Variants in BCR observed in about 807,000 individuals in gnomAD.
The protein encoded by BCR is BCR activator of RhoGEF and GTPase, also known as breakpoint cluster region protein.
A neutral mutation model predicts 138.6 loss-of-function variants in BCR; 58 were observed. The ratio of observed to expected loss-of-function variants is 0.42; its 90% CI spans 0.34 to 0.52. BCR has a LOEUF of 0.52. Ranked by LOEUF, BCR falls within the 20% of genes least tolerant of loss-of-function variation. The probability of loss-of-function intolerance (pLI) is 0.06; values close to 1 mark genes in which losing one functional copy is unlikely to be tolerated. For synonymous variants in BCR, 786 were observed against 730.1 expected, an observed-to-expected ratio of 1.08 and a Z score of -1.23; for missense variants, 1,599 against 1,727.2, an observed-to-expected ratio of 0.93 and a Z score of 1.32.
intron 11 of BCR, 148 bp downstream of exon 11, chr22:23,287,426 TC>T: frequency 7.5e-7 from 1 of 1,329,608 alleles, no homozygotes; most frequent in Non-Finnish European, 9.9e-7. Context: ...CATTCCTTTG[TC>T]TGGGGCTTTG....
At chr22:23,264,317 G>A (rs936172793) in intron 4 of BCR, 35 of 984,728 alleles carry the variant, frequency 3.6e-5, no homozygotes, top group Non-Finnish European at 4.8e-5. Context: ...TCTATGCTGC[G>A]CTGTCTTACA....
At chr22:23,276,648 T>C (rs2073580181) in intron 8 of BCR, among the ~76,000 whole-genome samples, 1 of 152,252 alleles carries the variant, frequency 6.6e-6, no homozygotes, top group Non-Finnish European at 1.5e-5. Context: ...TGATGGTGGC[T>C]AAGGCAGGAT....
intron 16 of BCR, among the ~76,000 whole-genome samples, chr22:23,307,295 G>T (rs2073961382): frequency 6.6e-6 from 1 of 151,894 alleles, no homozygotes. Context: ...ATAGAGACAG[G>T]GTCTCACTAT....
intron 1 of BCR, among the ~76,000 whole-genome samples, chr22:23,249,790 G>C (rs945865390): frequency 2.6e-5 from 4 of 152,232 alleles, no homozygotes; most frequent in Admixed American, 6.5e-5. Context: ...GTATGGATTG[G>C]AGTGATCTGG....
chr22:23,314,115 C>T (rs1298054525), intron 21 of BCR, 42 bp downstream of exon 21: 3 of 1,527,552 alleles, frequency 2.0e-6, no homozygotes, highest in Middle Eastern at 1.7e-4. Context: ...TCCAGGTCCC[C>T]AGGCCGCAGA....
intron 8 of BCR, among the ~76,000 whole-genome samples, chr22:23,280,088 C>T (rs566877653): frequency 2.4e-4 from 36 of 152,346 alleles, no homozygotes; most frequent in Admixed American, 1.3e-3. Context: ...CTACTCACCT[C>T]GCAAAGGCCC....
intron 1 of BCR, among the ~76,000 whole-genome samples, chr22:23,188,922 A>G (rs1401943359): frequency 6.6e-6 from 1 of 152,146 alleles, no homozygotes; most frequent in African/African-American, 2.4e-5. Flanking sequence ...GCTGGAGTGC[A>G]GTGGCACGAT....
chr22:23,232,511 A>C (rs528201618), intron 1 of BCR, among the ~76,000 whole-genome samples: 6 of 152,260 alleles, frequency 3.9e-5, no homozygotes, highest in African/African-American at 1.4e-4. Flanking sequence ...GGGGTGCACC[A>C]GAGTGGGTTG....
intron 8 of BCR, among the ~76,000 whole-genome samples, chr22:23,274,654 A>C (rs149205893): frequency 6.6e-6 from 1 of 152,240 alleles, no homozygotes; most frequent in African/African-American, 2.4e-5. Context: ...TCACGCCTGT[A>C]ATCCTAGCAC....
chr22:23,258,886 C>T (rs1273102309), intron 2 of BCR, among the ~76,000 whole-genome samples: 1 of 152,248 alleles, frequency 6.6e-6, no homozygotes. Context: ...GTGAGCCCAG[C>T]AACCAGTGGA....
At chr22:23,241,406 C>T (rs1285451114) in intron 1 of BCR, among the ~76,000 whole-genome samples, 6 of 152,178 alleles carry the variant, frequency 3.9e-5, no homozygotes, top group African/African-American at 9.7e-5. Flanking sequence ...AGGTGTGCAG[C>T]GGCCATGGCC....
At chr22:23,291,199 C>CT (rs2073782947) in intron 14 of BCR, 1 of 146,006 alleles carries the variant, frequency 6.8e-6, no homozygotes, top group Non-Finnish European at 1.5e-5. Context: ...CAGAGCAAGA[C>CT]TCCGCCTCAA....
rs558421308 is a variant in BCR at position 23,314,476 on chromosome 22, C to T, written c.3564-76C>T. The stretch of plus-strand genomic sequence containing the variant: ...CGAGGTCACTCCCTTCCTGAGAACT[C>T]CAGCACAGCCCAGCCCCTCTGCCTC... On this transcript the variant is annotated intron_variant, in intron 21 of 22. Transcript: ENST00000305877. 2.6e-6 allele frequency: 4 copies of T among 1,548,838 alleles called. No homozygotes were observed. In the African/African-American group the frequency reaches 4.1e-5, roughly 16 times the overall value.
At chr22:23,282,989 C>T (rs1269153039) in intron 8 of BCR, among the ~76,000 whole-genome samples, 1 of 152,216 alleles carries the variant, frequency 6.6e-6, no homozygotes, top group Admixed American at 6.5e-5. Flanking sequence ...CATTAAGGAC[C>T]TGCCTACAGC....
In BCR at chr22:23,196,417, ATC is replaced by A. The variant is rs550917982; in HGVS notation, c.1279+14180_1279+14181del. Among the ~76,000 whole-genome samples, 614 of 152,306 alleles carry A rather than the reference ATC, an allele frequency of 4.0e-3. 1 individual carries two copies. The highest frequency in any genetic ancestry group is 7.3e-3 in the Non-Finnish European group (494 of 68,020). On this transcript the variant is annotated intron_variant, in intron 1 of 22. Transcript: ENST00000305877. ...GGCTGTGCGGGAAGGGAAACCTTAC[ATC>A]TGTCCTGTTTCTTAGGGGACGAGGT...
chr22:23,304,585 T>C (rs2073937831), intron 16 of BCR, among the ~76,000 whole-genome samples: 1 of 152,212 alleles, frequency 6.6e-6, no homozygotes, highest in Non-Finnish European at 1.5e-5. Context: ...TTTCATTCAC[T>C]GAGTAAACAC....
Position 23,180,836 on chromosome 22 carries a change from C to A in BCR, c.-125C>A. 2.2e-6 allele frequency: 1 copy of A among 454,358 alleles called. No homozygotes were observed. The highest frequency in any genetic ancestry group is 2.8e-6 in the Non-Finnish European group (1 of 362,486). The allele number at this position is 454,358 out of a possible 1,614,324, so 28.1% of individuals were successfully genotyped here. A position where few individuals can be genotyped will look rare whatever the true frequency, so the allele number is the denominator to read the frequency against. Reference sequence around the variant, plus strand: ...CAGGGAGTGGGCGGGCATTGTTCGCCGCCGCCGCCGCCGCGCGGGCCATGG... The same window carrying A: ...CAGGGAGTGGGCGGGCATTGTTCGCAGCCGCCGCCGCCGCGCGGGCCATGG... On this transcript the variant is annotated 5_prime_UTR_variant, in exon 1 of 23. Transcript: ENST00000305877.
intron 1 of BCR, chr22:23,243,012 A>G: frequency 2.7e-6 from 1 of 373,308 alleles, no homozygotes; most frequent in African/African-American, 2.1e-5. Flanking sequence ...TGTCTCTTTA[A>G]AGATATTTGT....
At chr22:23,289,684 C>T (rs768242983) in intron 13 of BCR, 63 bp downstream of exon 13, 16 of 1,368,414 alleles carry the variant, frequency 1.2e-5, no homozygotes, top group Non-Finnish European at 1.1e-5. Flanking sequence ...AGCCTGAAGG[C>T]TGATCCCCCC....
Sources: gnomAD v4.1 joint callset for allele counts (sites outside exome capture counted in the v4.1 genomes callset) on GRCh38, gnomAD v4.1.1 for gene constraint, MANE v1.5 for transcripts, NCBI Gene and HGNC (gene_info 2026-07-23, HGNC 2026-07-21) for gene names.